The following ZNF224 variants were observed in gnomAD, a reference collection of about 807,000 sequenced individuals.
ZNF224 encodes the protein zinc finger protein 224.
A neutral mutation model predicts 10.5 loss-of-function variants in ZNF224; 8 were observed. The ratio of observed to expected loss-of-function variants is 0.76; its 90% CI spans 0.45 to 1.37. The LOEUF (loss-of-function observed/expected upper bound fraction) is 1.37. Among genes scored for constraint, ZNF224 ranks in the 40% most tolerant of loss-of-function variants. The pLI is 0.00. For missense variants in ZNF224, 754 were observed against 854.0 expected, an observed-to-expected ratio of 0.88 and a Z score of 1.46; for synonymous variants, 282 against 287.8, an observed-to-expected ratio of 0.98 and a Z score of 0.20.
intron 5 of ZNF224, chr19:44,105,666 A>AC (rs977972689): frequency 6.6e-6 from 1 of 152,094 alleles, no homozygotes; most frequent in Non-Finnish European, 1.5e-5. Context: ...CCCTTACCCT[A>AC]CCTTCCACCC....
Position 44,107,498 on chromosome 19 carries a change from C to G in ZNF224, c.1338C>G (p.His446Gln). 1 of 1,602,490 alleles carries G rather than the reference C, an allele frequency of 6.2e-7. No homozygotes were observed. Among genetic ancestry groups the G allele is most frequent in the Non-Finnish European group, 8.5e-7 (1 of 1,175,240 alleles). The change falls in exon 6 of 6, where the codon CAC (histidine) becomes CAG (glutamine). Residue 446 changes from histidine to glutamine, a missense_variant. His to Gln is a conservative substitution (Grantham distance 24, BLOSUM62 0). Coordinates refer to ENST00000693561, the MANE Select transcript of ZNF224 (RefSeq NM_001321645.3). ...AAAGGAGGTTGGATCTTGACTTTCACCAGCGCGTCCATACAGGAGAGAAAC... is the reference window on the plus strand; with the variant it reads ...AAAGGAGGTTGGATCTTGACTTTCAGCAGCGCGTCCATACAGGAGAGAAAC... ...GYKRRLDLDFHQRVHTGEKLY... is the reference protein window; with the variant it reads ...GYKRRLDLDFQQRVHTGEKLY...
chr19:44,104,897 C>T (rs994585184), intron 5 of ZNF224, among the ~76,000 whole-genome samples: 3 of 152,186 alleles, frequency 2.0e-5, no homozygotes, highest in African/African-American at 7.2e-5. Context: ...CTCCTGACCT[C>T]GTGATCTGCC....
chr19:44,094,415 A>T lies in ZNF224; in HGVS notation c.-273A>T, dbSNP rs972594708. On this transcript the variant is annotated 5_prime_UTR_variant, in exon 1 of 6. Coordinates refer to ENST00000693561, the MANE Select transcript of ZNF224 (RefSeq NM_001321645.3). ...GAGGTTGCTGCAGTTTTTCCGCGAT[A>T]GTTTGGGGCAGTTCCGCGCGTTGCA... 31 of 152,104 alleles carry T rather than the reference A, an allele frequency of 2.0e-4. No homozygotes were observed. The highest frequency in any genetic ancestry group is 6.3e-4 in the African/African-American group (26 of 41,396). 9.4% of individuals were successfully genotyped at this position (152,104 alleles called of 1,614,324 possible). A position where few individuals can be genotyped will look rare whatever the true frequency, so the allele number is the denominator to read the frequency against.
At chr19:44,100,292 GTA>G (rs1967520284) in intron 3 of ZNF224, among the ~76,000 whole-genome samples, 1 of 152,172 alleles carries the variant, frequency 6.6e-6, no homozygotes, top group Non-Finnish European at 1.5e-5. Flanking sequence ...TGCAATTAAT[GTA>G]TGTAGTTTTT....
chr19:44,103,493 A>G (rs562695737), intron 5 of ZNF224, among the ~76,000 whole-genome samples: 2 of 152,322 alleles, frequency 1.3e-5, no homozygotes, highest in South Asian at 4.1e-4. Flanking sequence ...GGGTTACTTC[A>G]GTAGGCATTT....
chr19:44,102,780 C>T (rs1181075977), intron 5 of ZNF224, among the ~76,000 whole-genome samples: 2 of 152,212 alleles, frequency 1.3e-5, no homozygotes, highest in Admixed American at 1.3e-4. Context: ...AATGAACATT[C>T]TGATGTCTAC....
chr19:44,104,790 T>C (rs527456123), intron 5 of ZNF224, among the ~76,000 whole-genome samples: 1 of 152,160 alleles, frequency 6.6e-6, no homozygotes, highest in South Asian at 2.1e-4. Context: ...GCCTCCCGAG[T>C]AGCTGGGACT....
rs994370221 is a variant in ZNF224 at position 44,100,649 on chromosome 19, T to C, written c.16-152T>C. The stretch of plus-strand genomic sequence containing the variant: ...TCAGGGAAATCAGTCATTGTCAGGA[T>C]ACAGACAGAATGAGTAGGAAATCTA... On this transcript the variant is annotated intron_variant, in intron 3 of 5. Coordinates refer to ENST00000693561, the MANE Select transcript of ZNF224 (RefSeq NM_001321645.3). 9 of 981,478 alleles carry C rather than the reference T, an allele frequency of 9.2e-6. No homozygotes were observed. In the African/African-American group the frequency reaches 1.1e-4, roughly 12 times the overall value. 60.8% of individuals were successfully genotyped at this position (981,478 alleles called of 1,614,324 possible).
chr19:44,098,507 G>A (rs1967486112), intron 3 of ZNF224, among the ~76,000 whole-genome samples: 1 of 152,152 alleles, frequency 6.6e-6, no homozygotes, highest in African/African-American at 2.4e-5. Flanking sequence ...CCTGAGTCAT[G>A]CCTTCTATGT....
rs920326227 is a variant in ZNF224, at chr19:44,097,738, C to T, written c.-68-68C>T. 6 of 886,296 alleles carry T rather than the reference C, an allele frequency of 6.8e-6. No homozygotes were observed. In the East Asian group the frequency reaches 1.2e-4, roughly 18 times the overall value. The allele number at this position is 886,296 out of a possible 1,614,324, so 54.9% of individuals were successfully genotyped here. ...ATGTGCCAATTCACAATACACATCC[C>T]TGTTGGTGGGTGGCATCCCTGGCCA... is the stretch of plus-strand genomic sequence containing the variant. On this transcript the variant is annotated intron_variant, in intron 2 of 5. Transcript: ENST00000693561.
intron 5 of ZNF224, 46 bp downstream of exon 5, chr19:44,101,271 T>A (rs1320016583): frequency 1.3e-6 from 2 of 1,580,810 alleles, no homozygotes; most frequent in South Asian, 2.2e-5. Flanking sequence ...CTTCCACCTG[T>A]TTCACTTCTG....
At chr19:44,097,952 T>G in intron 3 of ZNF224, 64 bp downstream of exon 3, 1 of 1,585,404 alleles carries the variant, frequency 6.3e-7, no homozygotes, top group Non-Finnish European at 8.7e-7. Flanking sequence ...GTCACAAGTT[T>G]TCCTCTGTCT....
In ZNF224 at chr19:44,107,743, A is replaced by T. The variant is rs1333516817; in HGVS notation, c.1583A>T (p.Asp528Val). 4 of 1,613,410 alleles carry T rather than the reference A, an allele frequency of 2.5e-6. No individual in the cohort carries two copies. Among genetic ancestry groups the T allele is most frequent in the Non-Finnish European group, 3.4e-6 (4 of 1,179,928 alleles). ...GKGYNSKFNL[D>V]MHQKVHTGER... is the part of the protein sequence containing the mutation. Reference sequence around the variant, plus strand: ...GGCTACAATAGTAAGTTTAATCTTGATATGCACCAGAAGGTCCACACAGGA... The same window carrying T: ...GGCTACAATAGTAAGTTTAATCTTGTTATGCACCAGAAGGTCCACACAGGA... The change falls in exon 6 of 6, where the codon GAT (aspartate) becomes GTT (valine). Residue 528 changes from aspartate to valine, a missense_variant. Transcript: ENST00000693561.
rs371622770 is a variant in ZNF224 at position 44,107,192 on chromosome 19, C to T, written c.1032C>T (p.Tyr344=). The change falls in exon 6 of 6, where the codon TAC becomes TAT. Residue 344 remains tyrosine (Y), a synonymous_variant. Coordinates refer to ENST00000693561, the MANE Select transcript of ZNF224 (RefSeq NM_001321645.3). ...TGATCCACACAGGAGAGAAACCATA[C>T]AAATGTGAGGAGTGTGGAAAAGGCT... ...HRMIHTGEKP[Y]KCEECGKGFI... The T allele has an allele frequency of 1.2e-6, 2 of 1,605,700 alleles. No homozygotes were observed. The highest frequency in any genetic ancestry group is 2.7e-5 in the African/African-American group (2 of 74,612).
chr19:44,098,148 A>G (rs902907086), intron 3 of ZNF224, among the ~76,000 whole-genome samples: 7 of 152,206 alleles, frequency 4.6e-5, no homozygotes, highest in Non-Finnish European at 5.9e-5. Flanking sequence ...CTGCTCACAC[A>G]TTAGCTATTT....
chr19:44,104,636 C>T (rs8113750), intron 5 of ZNF224, among the ~76,000 whole-genome samples: 113,789 of 151,750 alleles, frequency 0.75, 43,964 homozygotes, highest in Non-Finnish European at 0.87. Context: ...GAGGGTACAG[C>T]GAATCAGGGA....
intron 3 of ZNF224, among the ~76,000 whole-genome samples, chr19:44,100,116 G>A (rs771187337): frequency 2.0e-5 from 3 of 152,108 alleles, no homozygotes; most frequent in Admixed American, 6.5e-5. Context: ...AGTAACATAC[G>A]TATATTCCAC....
At position 44,106,487 on chromosome 19, in the gene ZNF224, T is replaced by A; in HGVS notation, c.327T>A (p.Ser109Arg). 6.2e-7 allele frequency: 1 copy of A among 1,614,152 alleles called. No individual in the cohort carries two copies. The highest frequency in any genetic ancestry group is 8.5e-7 in the Non-Finnish European group (1 of 1,180,010). Residue 109 changes from serine (S) to arginine (R), a missense_variant, in exon 6 of 6, where the codon AGT (serine) becomes AGA (arginine). By Grantham distance (110) the Ser-to-Arg change is moderately radical (BLOSUM62 -1). Coordinates refer to ENST00000693561, the MANE Select transcript of ZNF224 (RefSeq NM_001321645.3). ...SFQQIWEKIA[S>R]DLTRSQDLMI... ...AGCAAATCTGGGAAAAAATTGCAAG[T>A]GATTTAACCAGGTCTCAAGACTTGA...
Position 44,100,914 on chromosome 19 carries a change from C to T in ZNF224, c.129C>T (p.Asn43=), listed in dbSNP as rs1159403544. ...YRDVMLENFR[N]LLSVGHQAFH... is the part of the protein sequence containing the mutation. ...ATGTGATGCTGGAGAACTTCAGGAA[C>T]CTGCTCTCAGTGGGTGAGGACAGGC... Residue 43 remains asparagine (N), a synonymous_variant, in exon 4 of 6, where the codon AAC becomes AAT. Coordinates refer to ENST00000693561, the MANE Select transcript of ZNF224 (RefSeq NM_001321645.3). 1.2e-6 allele frequency: 2 copies of T among 1,613,854 alleles called. No homozygotes were observed. Among genetic ancestry groups the T allele is most frequent in the Non-Finnish European group, 1.7e-6 (2 of 1,179,950 alleles).
Sources: allele counts gnomAD v4.1 joint callset (sites outside exome capture counted in the v4.1 genomes callset), GRCh38; gene constraint gnomAD v4.1.1; transcripts MANE v1.5; gene names NCBI Gene and HGNC (gene_info 2026-07-23, HGNC 2026-07-21).